Variants in MDGA2 observed in about 807,000 individuals in gnomAD.
MDGA2 encodes the protein MAM domain containing glycosylphosphatidylinositol anchor 2.
In MDGA2, 40 loss-of-function variants were observed where a neutral mutation model predicts 117.8. The ratio of observed to expected loss-of-function variants is 0.34; its 90% CI spans 0.26 to 0.44. MDGA2 has a LOEUF of 0.44. MDGA2 is among the 20% of genes least tolerant of loss of function. The probability of loss-of-function intolerance (pLI) is 1.00; values close to 1 mark genes in which losing one functional copy is unlikely to be tolerated. For missense variants in MDGA2, 1,123 were observed against 1,250.6 expected (o/e 0.90, Z 1.54); for synonymous variants, 452 against 439.0 (o/e 1.03, Z -0.37).
intron 3 of MDGA2, among the ~76,000 whole-genome samples, chr14:47,179,592 A>G (rs1594700696): frequency 6.6e-6 from 1 of 152,042 alleles, no homozygotes; most frequent in Non-Finnish European, 1.5e-5. Flanking sequence ...TCATTTTTTT[A>G]TTATATATTT....
At chr14:47,641,504 G>A (rs1172540089) in intron 1 of MDGA2, among the ~76,000 whole-genome samples, 1 of 152,016 alleles carries the variant, frequency 6.6e-6, no homozygotes, top group Non-Finnish European at 1.5e-5. Flanking sequence ...AAAAGGGAAA[G>A]GAGAGAGAAG....
At chr14:47,324,818 A>G (rs1441852374) in intron 1 of MDGA2, among the ~76,000 whole-genome samples, 1 of 152,064 alleles carries the variant, frequency 6.6e-6, no homozygotes, top group Non-Finnish European at 1.5e-5. Context: ...TAAATGTTGT[A>G]ATTCAGTATT....
intron 8 of MDGA2, among the ~76,000 whole-genome samples, chr14:46,960,864 T>C (rs898063281): frequency 4.2e-5 from 6 of 141,736 alleles, no homozygotes; most frequent in African/African-American, 1.7e-4. Flanking sequence ...TTTAATATTT[T>C]ATATATACAC....
intron 8 of MDGA2, among the ~76,000 whole-genome samples, chr14:47,004,954 A>G (rs958445659): frequency 6.6e-6 from 1 of 151,666 alleles, no homozygotes; most frequent in Admixed American, 6.6e-5. Flanking sequence ...GTATATTGAT[A>G]TCTTATTCTG....
At chr14:47,455,827 T>C (rs1893339115) in intron 1 of MDGA2, among the ~76,000 whole-genome samples, 1 of 151,966 alleles carries the variant, frequency 6.6e-6, no homozygotes, top group Non-Finnish European at 1.5e-5. Context: ...TGAAACCCTT[T>C]CTTTACTAAA....
intron 1 of MDGA2, among the ~76,000 whole-genome samples, chr14:47,476,330 A>G (rs771910929): frequency 1.3e-5 from 2 of 152,158 alleles, no homozygotes; most frequent in Non-Finnish European, 2.9e-5. Context: ...AGAATATCCT[A>G]AACAATAAAA....
At chr14:47,321,078 A>G (rs964944800) in intron 1 of MDGA2, among the ~76,000 whole-genome samples, 5 of 152,212 alleles carry the variant, frequency 3.3e-5, no homozygotes, top group African/African-American at 1.2e-4. Flanking sequence ...GTGACTACAC[A>G]GGACATATTT....
chr14:47,434,370 C>A (rs924182109), intron 1 of MDGA2, among the ~76,000 whole-genome samples: 2 of 152,068 alleles, frequency 1.3e-5, no homozygotes, highest in African/African-American at 4.8e-5. Context: ...GAAAAACAGA[C>A]AACAAATGTC....
At chr14:47,451,421 C>G (rs907106867) in intron 1 of MDGA2, among the ~76,000 whole-genome samples, 1 of 151,950 alleles carries the variant, frequency 6.6e-6, no homozygotes, top group Admixed American at 6.6e-5. Flanking sequence ...CTAAAATGGA[C>G]TCTGAGAAAC....
rs765168753 is a variant in MDGA2, at chr14:47,061,349, A to G, written c.1425T>C (p.Asp475=). 6.2e-6 allele frequency: 10 copies of G among 1,613,668 alleles called. No individual in the cohort carries two copies. The South Asian group carries it at 9.9e-5, about 16-fold the overall frequency. Residue 475 remains aspartate, a synonymous_variant, in exon 7 of 17, where the codon GAT becomes GAC. Transcript: ENST00000399232. ...ACGTCCCAAAATCCGTGAATTTTAA[A>G]TCAATGATGTCCAAGTTTGTTGTTC... ...SPGTTNLDII[D]LKFTDFGTYT...
chr14:47,237,742 A>C (rs1886911722), intron 2 of MDGA2, among the ~76,000 whole-genome samples: 1 of 151,834 alleles, frequency 6.6e-6, no homozygotes, highest in African/African-American at 2.4e-5. Context: ...CCCTCAACAA[A>C]ATTCTCCACT....
chr14:47,036,052 G>A (rs571883531), intron 7 of MDGA2, among the ~76,000 whole-genome samples: 3 of 151,954 alleles, frequency 2.0e-5, no homozygotes, highest in South Asian at 2.1e-4. Context: ...GGAGGATCAC[G>A]AGGTCAGGAG....
chr14:47,085,198 G>GA (rs1340812898), intron 6 of MDGA2, among the ~76,000 whole-genome samples: 47 of 152,002 alleles, frequency 3.1e-4, no homozygotes, highest in African/African-American at 1.1e-3. Context: ...CCTACATGAG[G>GA]AAAAACAGAA....
At chr14:47,165,732 T>C (rs1397006327) in intron 3 of MDGA2, among the ~76,000 whole-genome samples, 2 of 152,184 alleles carry the variant, frequency 1.3e-5, no homozygotes, top group African/African-American at 4.8e-5. Context: ...TTGCCAAAAC[T>C]GATATACAAA....
At chr14:47,331,462 T>A (rs1890290562) in intron 1 of MDGA2, among the ~76,000 whole-genome samples, 1 of 151,982 alleles carries the variant, frequency 6.6e-6, no homozygotes, top group African/African-American at 2.4e-5. Flanking sequence ...TTAATCTATA[T>A]GTAGTTAGTT....
At chr14:47,304,360 C>G (rs1488985673) in intron 1 of MDGA2, among the ~76,000 whole-genome samples, 2 of 152,144 alleles carry the variant, frequency 1.3e-5, no homozygotes, top group Non-Finnish European at 2.9e-5. Flanking sequence ...CTTTTCATTA[C>G]TTGATGCTGT....
At chr14:47,426,343 T>A (rs1313543950) in intron 1 of MDGA2, among the ~76,000 whole-genome samples, 1 of 152,052 alleles carries the variant, frequency 6.6e-6, no homozygotes, top group Non-Finnish European at 1.5e-5. Context: ...TATTCCAAAT[T>A]TGGTCATTGG....
intron 7 of MDGA2, among the ~76,000 whole-genome samples, chr14:47,043,454 T>C (rs1157747197): frequency 6.6e-6 from 1 of 152,102 alleles, no homozygotes; most frequent in East Asian, 1.9e-4. Context: ...CCCTGAGCCA[T>C]AGGTTGATAT....
At chr14:46,872,519 T>G (rs1181241239) in intron 14 of MDGA2, among the ~76,000 whole-genome samples, 2 of 151,884 alleles carry the variant, frequency 1.3e-5, no homozygotes, top group Admixed American at 6.6e-5. Flanking sequence ...ATTTAGAATT[T>G]TGTCTTATGT....
Sources: allele counts gnomAD v4.1 joint callset (sites outside exome capture counted in the v4.1 genomes callset), GRCh38; gene constraint gnomAD v4.1.1; transcripts MANE v1.5; gene names NCBI Gene and HGNC (gene_info 2026-07-23, HGNC 2026-07-21).